Variants in COMMD10 observed in about 807,000 individuals in gnomAD.
The protein encoded by COMMD10 is COMM domain containing 10, also known as COMM domain-containing protein 10.
COMMD10 carries 33 observed loss-of-function variants against 28.9 expected under a neutral mutation model. The ratio of observed to expected loss-of-function variants is 1.14; its 90% confidence interval spans 0.87 to 1.53. The LOEUF is 1.53. Ranked by LOEUF, COMMD10 falls within the 40% of genes most tolerant of loss-of-function variation. The probability of loss-of-function intolerance (pLI) is 0.00; values close to 1 mark genes in which losing one functional copy is unlikely to be tolerated. For synonymous variants in COMMD10, 110 were observed against 81.7 expected, an observed-to-expected ratio of 1.35 and a Z score of -1.87; for missense variants, 310 against 233.4, an observed-to-expected ratio of 1.33 and a Z score of -2.14.
At chr5:116,125,262 C>A (rs1239570106) in intron 4 of COMMD10, among the ~76,000 whole-genome samples, 1 of 152,122 alleles carries the variant, frequency 6.6e-6, no homozygotes, top group Non-Finnish European at 1.5e-5. Context: ...GTGACAAAGT[C>A]TGTCAGCATT....
chr5:116,211,969 G>A (rs1183037013), intron 5 of COMMD10, among the ~76,000 whole-genome samples: 3 of 152,110 alleles, frequency 2.0e-5, no homozygotes, highest in Admixed American at 6.6e-5. Context: ...GTTTTCTTAT[G>A]TGTCAAGTAA....
rs371984102 is a variant in COMMD10 at position 116,240,618 on chromosome 5, T to C, written c.511-50899T>C. Among the ~76,000 whole-genome samples, 56 of 150,762 alleles carry C rather than the reference T, an allele frequency of 3.7e-4. 1 individual carries two copies. In the South Asian group the frequency reaches 0.011, roughly 29 times the overall value. On this transcript the variant is annotated intron_variant, in intron 5 of 6. Transcript: ENST00000274458. ...AGAACTTCATAGAGAACCTGAGAAG[T>C]TCCATTTTAAGAGTTTCTCCTGCTT... is the stretch of plus-strand genomic sequence containing the variant.
At chr5:116,106,314 T>G (rs1227614868) in intron 4 of COMMD10, among the ~76,000 whole-genome samples, 1 of 152,202 alleles carries the variant, frequency 6.6e-6, no homozygotes, top group Non-Finnish European at 1.5e-5. Flanking sequence ...TTCTTAATCT[T>G]GAGTCTAATT....
intron 5 of COMMD10, among the ~76,000 whole-genome samples, chr5:116,278,996 G>A (rs760892672): frequency 2.0e-4 from 30 of 151,602 alleles, no homozygotes; most frequent in Non-Finnish European, 3.8e-4. Context: ...TTTTCCTTCA[G>A]GGGAAAAATG....
intron 5 of COMMD10, among the ~76,000 whole-genome samples, chr5:116,150,379 T>C (rs2112550907): frequency 6.6e-6 from 1 of 152,280 alleles, no homozygotes; most frequent in Admixed American, 6.5e-5. Flanking sequence ...AGTAGTTTTT[T>C]CCAATTCTGT....
At chr5:116,248,619 G>A (rs546607324) in intron 5 of COMMD10, among the ~76,000 whole-genome samples, 1 of 151,968 alleles carries the variant, frequency 6.6e-6, no homozygotes, top group South Asian at 2.1e-4. Flanking sequence ...CAATTTCTGG[G>A]AGTGGCCTTC....
At chr5:116,171,230 C>A (rs905950569) in intron 5 of COMMD10, among the ~76,000 whole-genome samples, 1 of 152,150 alleles carries the variant, frequency 6.6e-6, no homozygotes, top group Non-Finnish European at 1.5e-5. Context: ...CGAAAAAAAG[C>A]TCATCATCAG....
At chr5:116,117,197 C>T (rs1484761612) in intron 4 of COMMD10, among the ~76,000 whole-genome samples, 1 of 152,040 alleles carries the variant, frequency 6.6e-6, no homozygotes, top group Non-Finnish European at 1.5e-5. Flanking sequence ...GGGTTTTTTA[C>T]AGTTTCTGGC....
chr5:116,105,651 A>G (rs1290616050), intron 4 of COMMD10, among the ~76,000 whole-genome samples: 1 of 152,170 alleles, frequency 6.6e-6, no homozygotes, highest in Admixed American at 6.5e-5. Flanking sequence ...TTATTGCTGT[A>G]TTCAGGGATT....
intron 5 of COMMD10, among the ~76,000 whole-genome samples, chr5:116,214,824 A>G (rs1429484200): frequency 6.6e-6 from 1 of 152,096 alleles, no homozygotes; most frequent in Non-Finnish European, 1.5e-5. Flanking sequence ...TTTATAATCA[A>G]AGCAGTGTGT....
intron 1 of COMMD10, among the ~76,000 whole-genome samples, 183 bp from the exon 2 acceptor site, chr5:116,087,314 G>A (rs1750137085): frequency 6.6e-6 from 1 of 152,156 alleles, no homozygotes; most frequent in African/African-American, 2.4e-5. Context: ...TAATTTTGGG[G>A]GCATCTTTTT....
chr5:116,242,362 TG>T (rs1006028537), intron 5 of COMMD10, among the ~76,000 whole-genome samples: 3 of 152,238 alleles, frequency 2.0e-5, no homozygotes, highest in Non-Finnish European at 4.4e-5. Context: ...ATGTGGTTTT[TG>T]AGAATTTCAG....
At chr5:116,144,393 C>A (rs1752281766) in intron 5 of COMMD10, among the ~76,000 whole-genome samples, 1 of 151,764 alleles carries the variant, frequency 6.6e-6, no homozygotes, top group Non-Finnish European at 1.5e-5. Flanking sequence ...GAAGTAGGTG[C>A]TAGTATTTTC....
At chr5:116,261,749 T>G (rs768331080) in intron 5 of COMMD10, among the ~76,000 whole-genome samples, 3 of 151,770 alleles carry the variant, frequency 2.0e-5, no homozygotes, top group Non-Finnish European at 4.4e-5. Flanking sequence ...TCTTCACTTA[T>G]CAACTTAAAC....
At chr5:116,107,017 A>G (rs1750861093) in intron 4 of COMMD10, among the ~76,000 whole-genome samples, 1 of 152,176 alleles carries the variant, frequency 6.6e-6, no homozygotes, top group African/African-American at 2.4e-5. Context: ...TGATCCTGTC[A>G]TTATGATGGT....
rs187904183 is a variant in COMMD10 at position 116,168,931 on chromosome 5, G to T, written c.510+34753G>T. ...CACAGTTAAAAGAACCAGAGAAGCA[G>T]GAGCAAACAAATTCAAAAGCTAGCA... On this transcript the variant is annotated intron_variant, in intron 5 of 6. Transcript: ENST00000274458. 1.8e-4 allele frequency among the ~76,000 whole-genome samples: 28 copies of T among 151,988 alleles called. 1 individual carries two copies. The East Asian group carries it at 5.2e-3, about 28-fold the overall frequency.
intron 5 of COMMD10, among the ~76,000 whole-genome samples, chr5:116,214,771 C>T (rs1245281165): frequency 6.6e-6 from 1 of 152,018 alleles, no homozygotes; most frequent in Non-Finnish European, 1.5e-5. Flanking sequence ...GAAATATACC[C>T]ATTTAAATGT....
At chr5:116,202,531 A>G (rs546131570) in intron 5 of COMMD10, among the ~76,000 whole-genome samples, 6 of 151,124 alleles carry the variant, frequency 4.0e-5, no homozygotes, top group Non-Finnish European at 7.4e-5. Context: ...ATTTCTCCAC[A>G]TCCTCTCCAG....
At chr5:116,269,652 C>G (rs545969852) in intron 5 of COMMD10, among the ~76,000 whole-genome samples, 2 of 151,836 alleles carry the variant, frequency 1.3e-5, no homozygotes, top group South Asian at 2.1e-4. Context: ...ACTGATTCAT[C>G]TCAAATATTT....
Sources: allele counts gnomAD v4.1 joint callset (sites outside exome capture counted in the v4.1 genomes callset), GRCh38; gene constraint gnomAD v4.1.1; transcripts MANE v1.5; gene names NCBI Gene and HGNC (gene_info 2026-07-23, HGNC 2026-07-21).